C1orf21: variants seen among roughly 807,000 people sequenced by gnomAD.
C1orf21 encodes chromosome 1 open reading frame 21.
In C1orf21, 3 loss-of-function variants were observed where a neutral mutation model predicts 18.7. The observed-to-expected ratio is 0.16, with a 90% CI of 0.07 to 0.42. The LOEUF (loss-of-function observed/expected upper bound fraction) is 0.42, where lower values mean the gene tolerates loss of function less well. Among genes scored for constraint, C1orf21 ranks in the 10% least tolerant of loss-of-function variants. The pLI is 0.99. For missense variants in C1orf21, 104 were observed against 143.6 expected (o/e 0.72, Z 1.41); for synonymous variants, 41 against 46.4 (o/e 0.88, Z 0.47).
chr1:184,404,864 A>G (rs1176962199), intron 1 of C1orf21, among the ~76,000 whole-genome samples: 1 of 152,172 alleles, frequency 6.6e-6, no homozygotes, highest in African/African-American at 2.4e-5. Flanking sequence ...GCCCTAAAGA[A>G]TTTGATTGAC....
intron 1 of C1orf21, among the ~76,000 whole-genome samples, chr1:184,468,545 A>G (rs959573802): frequency 6.6e-6 from 1 of 152,252 alleles, no homozygotes; most frequent in African/African-American, 2.4e-5. Context: ...ATTATTGACA[A>G]TCCTAAGAAT....
At chr1:184,395,158 A>G (rs1182583043) in intron 1 of C1orf21, among the ~76,000 whole-genome samples, 1 of 152,050 alleles carries the variant, frequency 6.6e-6, no homozygotes, top group Non-Finnish European at 1.5e-5. Flanking sequence ...TTTAGGCTTA[A>G]TTTATTTTAT....
chr1:184,611,150 G>A (rs570117039), intron 5 of C1orf21, among the ~76,000 whole-genome samples: 5 of 152,156 alleles, frequency 3.3e-5, no homozygotes, highest in Non-Finnish European at 5.9e-5. Context: ...CATTAGAGAC[G>A]GAGAAAGCCA....
chr1:184,446,298 T>C (rs1399699905), intron 1 of C1orf21, among the ~76,000 whole-genome samples: 2 of 152,160 alleles, frequency 1.3e-5, no homozygotes, highest in African/African-American at 4.8e-5. Flanking sequence ...CTGTCTACTA[T>C]ATTTTATTTC....
At chr1:184,508,762 G>T (rs1030697284) in intron 3 of C1orf21, among the ~76,000 whole-genome samples, 12 of 152,054 alleles carry the variant, frequency 7.9e-5, no homozygotes, top group African/African-American at 2.9e-4. Flanking sequence ...ATGAAGTTTT[G>T]CTTCATAAAT....
chr1:184,481,881 C>A (rs1375872850), intron 2 of C1orf21, among the ~76,000 whole-genome samples: 2 of 152,164 alleles, frequency 1.3e-5, no homozygotes, highest in South Asian at 2.1e-4. Context: ...TTCCAGTACC[C>A]TAGATATTAC....
At chr1:184,607,665 ATG>A (rs1441050627) in intron 5 of C1orf21, among the ~76,000 whole-genome samples, 5 of 149,892 alleles carry the variant, frequency 3.3e-5, no homozygotes, top group African/African-American at 7.4e-5. Context: ...ATACATATAT[ATG>A]TGTGTATATA....
At chr1:184,542,758 A>T (rs1658673975) in intron 3 of C1orf21, 1 of 152,174 alleles carries the variant, frequency 6.6e-6, no homozygotes, top group African/African-American at 2.4e-5. Flanking sequence ...CAAGACAAGG[A>T]TGATTGTCTT....
intron 3 of C1orf21, among the ~76,000 whole-genome samples, chr1:184,586,277 T>C (rs1488405604): frequency 6.9e-6 from 1 of 145,230 alleles, no homozygotes; most frequent in African/African-American, 2.6e-5. Context: ...GTTCATGTCT[T>C]TTGTCCACTT....
At chr1:184,420,275 T>C (rs1025166861) in intron 1 of C1orf21, among the ~76,000 whole-genome samples, 5 of 152,088 alleles carry the variant, frequency 3.3e-5, no homozygotes, top group African/African-American at 2.4e-5. Context: ...GAGGCATTTT[T>C]GTAGCCTAAA....
intron 2 of C1orf21, among the ~76,000 whole-genome samples, chr1:184,500,501 T>A (rs551058255): frequency 6.6e-5 from 10 of 152,178 alleles, no homozygotes; most frequent in Non-Finnish European, 1.2e-4. Context: ...GCCTTTCATC[T>A]TGTGCTCTCA....
intron 1 of C1orf21, among the ~76,000 whole-genome samples, chr1:184,445,343 CCTCTCT>C (rs57710614): frequency 3.0e-4 from 41 of 134,872 alleles, no homozygotes; most frequent in Middle Eastern, 3.7e-3. Context: ...TTTTTTCAGA[CCTCTCT>C]CTCTCTCTCT....
chr1:184,458,491 C>A (rs1657254309), intron 1 of C1orf21, among the ~76,000 whole-genome samples: 1 of 152,098 alleles, frequency 6.6e-6, no homozygotes, highest in Non-Finnish European at 1.5e-5. Flanking sequence ...ACTTCTAGAT[C>A]TAGACTATTT....
chr1:184,547,063 C>A (rs1658737789), intron 3 of C1orf21, among the ~76,000 whole-genome samples: 1 of 151,468 alleles, frequency 6.6e-6, no homozygotes, highest in Non-Finnish European at 1.5e-5. Flanking sequence ...CCATCAAGAG[C>A]CTTTCAGGCA....
At chr1:184,574,285 G>C (rs1659155002) in intron 3 of C1orf21, among the ~76,000 whole-genome samples, 1 of 152,102 alleles carries the variant, frequency 6.6e-6, no homozygotes, top group South Asian at 2.1e-4. Context: ...GATTCTAAGT[G>C]ATTGTGAAAA....
rs115313036 is a variant in C1orf21 at position 184,575,466 on chromosome 1, G to A, written c.190-15273G>A. The stretch of plus-strand genomic sequence containing the variant: ...ATGGGAAGAGGTTGCAGAGGGGTAT[G>A]GAAGAGGGTGTATGAGTAAGGACCT... On this transcript the variant is annotated intron_variant, in intron 3 of 5. Transcript: ENST00000235307. Among the ~76,000 whole-genome samples, 972 of 152,220 alleles carry A rather than the reference G, an allele frequency of 6.4e-3. 9 individuals are homozygous for A. The highest frequency in any genetic ancestry group is 0.022 in the African/African-American group (923 of 41,534).
Position 184,619,888 on chromosome 1 carries a change from C to G in C1orf21, c.*332C>G, listed in dbSNP as rs924786772. On this transcript the variant is annotated 3_prime_UTR_variant, in exon 6 of 6. Transcript: ENST00000235307. ...GTTGGTTTTACAGATGCTCTCCAAC[C>G]TATTTTCTATAAGATGAGGTAGTGG... 1 of 230,786 alleles carries G rather than the reference C, an allele frequency of 4.3e-6. No individual in the cohort carries two copies. Among genetic ancestry groups the G allele is most frequent in the African/African-American group, 2.3e-5 (1 of 42,946 alleles). The allele number at this position is 230,786 out of a possible 1,614,324, so 14.3% of individuals were successfully genotyped here.
At chr1:184,497,615 A>G (rs1657911708) in intron 2 of C1orf21, among the ~76,000 whole-genome samples, 2 of 152,216 alleles carry the variant, frequency 1.3e-5, no homozygotes, top group Admixed American at 6.5e-5. Context: ...TTATCACAGA[A>G]GATATTTCAG....
intron 2 of C1orf21, among the ~76,000 whole-genome samples, chr1:184,492,496 G>A (rs1246237042): frequency 6.6e-6 from 1 of 152,180 alleles, no homozygotes; most frequent in Non-Finnish European, 1.5e-5. Flanking sequence ...TGGTGGTAGT[G>A]TTCAGCTATT....
Sources: gnomAD v4.1 joint callset for allele counts (sites outside exome capture counted in the v4.1 genomes callset) on GRCh38, gnomAD v4.1.1 for gene constraint, MANE v1.5 for transcripts, NCBI Gene and HGNC (gene_info 2026-07-23, HGNC 2026-07-21) for gene names.